CEP290: variants seen among roughly 807,000 people sequenced by gnomAD.
CEP290 encodes centrosomal protein 290.
A neutral mutation model predicts 344.9 loss-of-function variants in CEP290; 317 were observed. The ratio of observed to expected loss-of-function variants is 0.92; its 90% CI spans 0.84 to 1.01. The LOEUF (loss-of-function observed/expected upper bound fraction) is 1.01. CEP290 is among the 50% of genes least tolerant of loss of function. The probability of loss-of-function intolerance (pLI) is 0.00; values close to 1 mark genes in which losing one functional copy is unlikely to be tolerated. For missense variants in CEP290, 2,754 were observed against 2,761.4 expected, an observed-to-expected ratio of 1.00 and a Z score of 0.06; for synonymous variants, 932 against 895.8, an observed-to-expected ratio of 1.04 and a Z score of -0.72.
At chr12:88,115,522 T>A (rs2038986481) in intron 18 of CEP290, 4 of 1,294,842 alleles carry the variant, frequency 3.1e-6, no homozygotes, top group Non-Finnish European at 4.0e-6. Context: ...ATATCTGCAT[T>A]TCTACACTCT....
At chr12:88,139,877 T>A (rs538483675) in intron 3 of CEP290, among the ~76,000 whole-genome samples, 2 of 152,106 alleles carry the variant, frequency 1.3e-5, no homozygotes, top group Admixed American at 6.5e-5. Context: ...TACAGGTGCA[T>A]GCCATCATGC....
At chr12:88,111,503 T>C (rs2038688033) in intron 21 of CEP290, among the ~76,000 whole-genome samples, 152 bp from the exon 22 acceptor site, 1 of 152,188 alleles carries the variant, frequency 6.6e-6, no homozygotes, top group African/African-American at 2.4e-5. Flanking sequence ...AGAATTTTTG[T>C]ATTCTTTTCA....
rs770474857 is a variant in CEP290 at position 88,092,719 on chromosome 12, T to TA, written c.3422dup (p.Leu1141PhefsTer5). 19 of 1,610,766 alleles carry TA rather than the reference T, an allele frequency of 1.2e-5. No individual in the cohort carries two copies. Among genetic ancestry groups the TA allele is most frequent in the Non-Finnish European group, 1.6e-5 (19 of 1,178,638 alleles). On this transcript the variant is annotated frameshift_variant, in exon 29 of 54. Transcript: ENST00000552810. LOFTEE classifies it high-confidence loss of function. The stretch of plus-strand genomic sequence containing the variant: ...CTTTTAGTTCCATTTCATTCTTCTC[T>TA]AATTCTAGAATCCGTTGCCTATCAG...
intron 6 of CEP290, among the ~76,000 whole-genome samples, chr12:88,132,946 A>C (rs1266063192): frequency 6.6e-6 from 1 of 151,818 alleles, no homozygotes; most frequent in African/African-American, 2.4e-5. Flanking sequence ...ATGTGTTCTC[A>C]TTGTTCAGCT....
intron 43 of CEP290, among the ~76,000 whole-genome samples, chr12:88,069,313 C>G (rs535571503): frequency 1.6e-4 from 24 of 152,020 alleles, no homozygotes; most frequent in Admixed American, 1.2e-3. Flanking sequence ...AACTAGAGTT[C>G]AGAGAGAAGA....
rs118190220 is a variant in CEP290, at chr12:88,129,991, A to G, written c.670-115T>C. 742 of 711,250 alleles carry G rather than the reference A, an allele frequency of 1.0e-3. 2 individuals are homozygous for G. The highest frequency in any genetic ancestry group is 1.5e-3 in the Non-Finnish European group (682 of 464,914). 44.1% of individuals were successfully genotyped at this position (711,250 alleles called of 1,614,324 possible). On this transcript the variant is annotated intron_variant, in intron 9 of 53. Transcript: ENST00000552810. ...CCTCTAGAAAAAAAGAGAATTCTTTATAGACCTTTACTAATTGGCATTGAC... is the reference window on the plus strand; with the variant it reads ...CCTCTAGAAAAAAAGAGAATTCTTTGTAGACCTTTACTAATTGGCATTGAC...
In CEP290 at chr12:88,064,065, C is replaced by T. The variant is rs771017446; in HGVS notation, c.6186G>A (p.Gln2062=). 1 of 1,587,430 alleles carries T rather than the reference C, an allele frequency of 6.3e-7. No homozygotes were observed. The highest frequency in any genetic ancestry group is 2.3e-5 in the East Asian group (1 of 44,144). The change falls in exon 45 of 54, where the codon CAG becomes CAA. Residue 2062 remains glutamine, a synonymous_variant. Transcript: ENST00000552810. The part of the protein sequence containing the change: ...DDHCQREQEL[Q]KENLKLSSEN... The stretch of plus-strand genomic sequence containing the variant: ...CAGATGACAACTTCAAGTTTTCCTT[C>T]TGAAGCTCCTGTTCTCTCTGACAAT...
At chr12:88,108,447 AC>A (rs2038446877) in intron 23 of CEP290, among the ~76,000 whole-genome samples, 2 of 152,204 alleles carry the variant, frequency 1.3e-5, no homozygotes, top group African/African-American at 4.8e-5. Flanking sequence ...TTCAAATATG[AC>A]CTGCCCTACA....
chr12:88,077,973 T>C, intron 39 of CEP290, 55 bp from the exon 40 acceptor site: 2 of 752,960 alleles, frequency 2.7e-6, no homozygotes, highest in Non-Finnish European at 2.1e-6. Context: ...GTATCAATGA[T>C]AAAAGGAACA....
Position 88,079,080 on chromosome 12 carries a change from G to C in CEP290, c.5364+12C>G, listed in dbSNP as rs932675070. The C allele has an allele frequency of 6.4e-7, 1 of 1,552,308 alleles. No homozygotes were observed. Among genetic ancestry groups the C allele is most frequent in the Non-Finnish European group, 8.6e-7 (1 of 1,156,714 alleles). On this transcript the variant is annotated intron_variant, in intron 39 of 53. Coordinates refer to ENST00000552810, the MANE Select transcript of CEP290 (RefSeq NM_025114.4). The stretch of plus-strand genomic sequence containing the variant: ...CAGAAATTTTGTTACATTAACACGT[G>C]TTGATGTTCACCTTTAGCTCTCTAG...
chr12:88,065,774 G>T (rs1392221638), intron 44 of CEP290, among the ~76,000 whole-genome samples: 1 of 152,158 alleles, frequency 6.6e-6, no homozygotes, highest in Non-Finnish European at 1.5e-5. Flanking sequence ...ACTAAAATAT[G>T]ATGCAGTTAC....
intron 32 of CEP290, 126 bp downstream of exon 32, chr12:88,087,654 A>G (rs2036688462): frequency 3.1e-6 from 1 of 320,736 alleles, no homozygotes; most frequent in Non-Finnish European, 5.5e-6. Flanking sequence ...CGGGAGGCAG[A>G]GCTTGCAGTG....
intron 3 of CEP290, among the ~76,000 whole-genome samples, chr12:88,140,710 A>T (rs888026549): frequency 6.6e-6 from 1 of 152,204 alleles, no homozygotes; most frequent in African/African-American, 2.4e-5. Flanking sequence ...ACCTCAAGAT[A>T]TATTTCCTTA....
In CEP290 at chr12:88,111,333, C is replaced by T. The variant is rs2038674989; in HGVS notation, c.2236G>A (p.Glu746Lys). 1 of 1,562,854 alleles carries T rather than the reference C, an allele frequency of 6.4e-7. No homozygotes were observed. Among genetic ancestry groups the T allele is most frequent in the Admixed American group, 2.0e-5 (1 of 51,170 alleles). ...ANLKIDHLEK[E>K]TSLLRQSEGS... ...TCTGATTGTCGTAAAAGACTAGTTT[C>T]TTTTTCAAGATGGTCTATCTGGAAA... Residue 746 changes from glutamate (E) to lysine (K), a missense_variant, in exon 22 of 54, where the codon GAA becomes AAA. Transcript: ENST00000552810.
At position 88,136,899 on chromosome 12, in the gene CEP290, C is replaced by G. The variant is rs780637536; in HGVS notation, c.298-113G>C. 4.3e-5 allele frequency: 40 copies of G among 934,438 alleles called. 1 individual carries two copies. Among genetic ancestry groups the G allele is most frequent in the Non-Finnish European group, 6.5e-5 (40 of 614,982 alleles). The allele number at this position is 934,438 out of a possible 1,614,324, so 57.9% of individuals were successfully genotyped here. On this transcript the variant is annotated intron_variant, in intron 5 of 53. Coordinates refer to ENST00000552810, the MANE Select transcript of CEP290 (RefSeq NM_025114.4). ...TTTAAATTTGCATTATACTTCAGTG[C>G]AGATATTTAAAATCATATTAGCTTA... is the stretch of plus-strand genomic sequence containing the variant.
intron 7 of CEP290, 85 bp downstream of exon 7, chr12:88,131,080 G>T: frequency 9.2e-7 from 1 of 1,082,726 alleles, no homozygotes; most frequent in Non-Finnish European, 1.3e-6. Context: ...CTCCAGTCCT[G>T]GTTAAAATAT....
chr12:88,111,384 A>G, intron 21 of CEP290, 33 bp from the exon 22 acceptor site: 1 of 1,547,458 alleles, frequency 6.5e-7, no homozygotes. Flanking sequence ...GAGAATCACA[A>G]CTCTTACACC....
At chr12:88,088,041 T>A in intron 31 of CEP290, 97 bp from the exon 32 acceptor site, 1 of 457,710 alleles carries the variant, frequency 2.2e-6, no homozygotes, top group Non-Finnish European at 3.7e-6. Context: ...GTAATGGCCA[T>A]TCTAAAATAA....
chr12:88,080,360 AC>A lies in CEP290; in HGVS notation c.5047del (p.Val1683Ter). On this transcript the variant is annotated frameshift_variant, in exon 38 of 54. Coordinates refer to ENST00000552810, the MANE Select transcript of CEP290 (RefSeq NM_025114.4). LOFTEE classifies it high-confidence loss of function. ...CTTTAAATCCTCTACTTCCGCTTTTACTTTTTTCACTTCATCTTCATGGTTT... is the reference window on the plus strand; with the variant it reads ...CTTTAAATCCTCTACTTCCGCTTTTATTTTTTCACTTCATCTTCATGGTTT... ...QENHEDEVKK[V>X]KAEVEDLKYL... 6.2e-7 allele frequency: 1 copy of A among 1,613,152 alleles called. No individual in the cohort carries two copies. The highest frequency in any genetic ancestry group is 8.5e-7 in the Non-Finnish European group (1 of 1,179,526).
Sources: gnomAD v4.1 joint callset for allele counts (sites outside exome capture counted in the v4.1 genomes callset) on GRCh38, gnomAD v4.1.1 for gene constraint, MANE v1.5 for transcripts, NCBI Gene and HGNC (gene_info 2026-07-23, HGNC 2026-07-21) for gene names.